ASPRV1: variants seen among roughly 807,000 people sequenced by gnomAD.
The protein encoded by ASPRV1 is aspartic peptidase retroviral like 1.
A neutral mutation model predicts 11.0 loss-of-function variants in ASPRV1; 7 were observed. The ratio of observed to expected loss-of-function variants is 0.64; its 90% CI spans 0.36 to 1.20. ASPRV1 has a LOEUF of 1.20. Ranked by LOEUF, ASPRV1 falls within the 50% of genes most tolerant of loss-of-function variation. The probability of loss-of-function intolerance (pLI) is 0.02; values close to 1 mark genes in which losing one functional copy is unlikely to be tolerated. For missense variants in ASPRV1, 299 were observed against 320.0 expected, an observed-to-expected ratio of 0.93 and a Z score of 0.50; for synonymous variants, 136 against 138.4, an observed-to-expected ratio of 0.98 and a Z score of 0.12.
the ASPRV1 span, among the ~76,000 whole-genome samples, chr2:69,972,218 C>G: frequency 6.6e-6 from 1 of 151,020 alleles, no homozygotes; most frequent in Non-Finnish European, 1.5e-5. Context: ...CCCACCACCA[C>G]GCCTGGCTAA....
At chr2:70,041,082 C>T in the ASPRV1 span, among the ~76,000 whole-genome samples, 1 of 152,200 alleles carries the variant, frequency 6.6e-6, no homozygotes, top group African/African-American at 2.4e-5. Context: ...TTACTGGATG[C>T]TCAAAGAACA....
the ASPRV1 span, among the ~76,000 whole-genome samples, chr2:69,990,762 TA>T: frequency 3.9e-5 from 6 of 152,114 alleles, no homozygotes; most frequent in Non-Finnish European, 7.4e-5. Context: ...GCCTCCCTTT[TA>T]ACCACTCCTC....
chr2:69,937,445 G>T, the ASPRV1 span: 1 of 1,368,142 alleles, frequency 7.3e-7, no homozygotes, highest in South Asian at 1.3e-5. Context: ...CCCAACCCCA[G>T]AGCAGGGGTT....
the ASPRV1 span, among the ~76,000 whole-genome samples, chr2:70,038,807 G>C: frequency 6.6e-6 from 1 of 152,180 alleles, no homozygotes; most frequent in Non-Finnish European, 1.5e-5. Context: ...AGCTGGGTGG[G>C]GTGGCTTACG....
the ASPRV1 span, among the ~76,000 whole-genome samples, chr2:70,003,897 T>C: frequency 2.0e-5 from 3 of 152,202 alleles, no homozygotes; most frequent in African/African-American, 7.2e-5. Context: ...TTCCACTCTT[T>C]TCGCCTTTCC....
At chr2:70,021,606 C>T in the ASPRV1 span, among the ~76,000 whole-genome samples, 1 of 151,994 alleles carries the variant, frequency 6.6e-6, no homozygotes, top group Admixed American at 6.6e-5. Flanking sequence ...GTGTGAGCCA[C>T]CACGCCCGGC....
the ASPRV1 span, among the ~76,000 whole-genome samples, chr2:70,054,548 G>A: frequency 1.3e-4 from 19 of 151,986 alleles, no homozygotes; most frequent in African/African-American, 4.3e-4. Context: ...CTGCACTCCA[G>A]CCTGGGTGAC....
chr2:69,955,442 T>G (rs1343650632), downstream of ASPRV1, among the ~76,000 whole-genome samples: 1 of 152,234 alleles, frequency 6.6e-6, no homozygotes, highest in East Asian at 1.9e-4. Context: ...GTCTTTCTCA[T>G]TTGCTGCCAA....
chr2:70,081,641 T>G, the ASPRV1 span, among the ~76,000 whole-genome samples: 3 of 152,256 alleles, frequency 2.0e-5, no homozygotes, highest in Admixed American at 2.0e-4. Flanking sequence ...TGAAGTGCAG[T>G]GACGCGATCA....
the ASPRV1 span, among the ~76,000 whole-genome samples, chr2:69,950,639 C>A: frequency 6.6e-6 from 1 of 151,810 alleles, no homozygotes; most frequent in African/African-American, 2.4e-5. Context: ...GTCAGGGGTT[C>A]CAGACCAGCC....
At chr2:70,021,849 T>C in the ASPRV1 span, among the ~76,000 whole-genome samples, 5 of 121,998 alleles carry the variant, frequency 4.1e-5, no homozygotes, top group East Asian at 7.9e-4. Flanking sequence ...ACTACAGGAG[T>C]GTGCCACCAT....
the ASPRV1 span, among the ~76,000 whole-genome samples, chr2:70,073,663 G>A: frequency 6.1e-4 from 93 of 152,086 alleles, no homozygotes; most frequent in Non-Finnish European, 1.2e-3. Flanking sequence ...CTAAATGTGC[G>A]GCTTGTTTTC....
chr2:69,933,214 A>AC, the ASPRV1 span, among the ~76,000 whole-genome samples: 3 of 151,220 alleles, frequency 2.0e-5, no homozygotes, highest in South Asian at 2.1e-4. Flanking sequence ...AAAAAAAAAA[A>AC]AAAAAAAAAA....
the ASPRV1 span, among the ~76,000 whole-genome samples, chr2:70,044,718 C>A: frequency 6.6e-6 from 1 of 152,206 alleles, no homozygotes; most frequent in Non-Finnish European, 1.5e-5. Flanking sequence ...CTCGGCCTCC[C>A]AAAGTGCTGG....
At chr2:70,059,575 A>G in the ASPRV1 span, 1 of 152,764 alleles carries the variant, frequency 6.5e-6, no homozygotes, top group Non-Finnish European at 1.5e-5. Context: ...AGTACATTAC[A>G]TTTATTGTGC....
the ASPRV1 span, among the ~76,000 whole-genome samples, chr2:70,078,630 A>G: frequency 1.3e-5 from 2 of 152,220 alleles, no homozygotes; most frequent in South Asian, 2.1e-4. Flanking sequence ...TGCTGGAGCA[A>G]CTGCAAAGGA....
chr2:69,963,302 C>A, upstream of ASPRV1: 1 of 456,550 alleles, frequency 2.2e-6, no homozygotes, highest in Non-Finnish European at 4.4e-6. Flanking sequence ...GCAGGTGGTT[C>A]TTTGAGAAGA....
chr2:70,054,719 T>C, the ASPRV1 span, among the ~76,000 whole-genome samples: 1 of 152,172 alleles, frequency 6.6e-6, no homozygotes, highest in Non-Finnish European at 1.5e-5. Flanking sequence ...TGTCCTGGTA[T>C]ATACAGCTAT....
chr2:69,988,570 G>A, the ASPRV1 span: 2 of 342,658 alleles, frequency 5.8e-6, no homozygotes, highest in Admixed American at 3.7e-5. Context: ...GAGTTTCAGT[G>A]TGGGAAGATG....
Sources: gnomAD v4.1 joint callset for allele counts (sites outside exome capture counted in the v4.1 genomes callset) on GRCh38, gnomAD v4.1.1 for gene constraint, MANE v1.5 for transcripts, NCBI Gene and HGNC (gene_info 2026-07-23, HGNC 2026-07-21) for gene names.